The following NTRK3 variants were observed in gnomAD, a reference collection of about 807,000 sequenced individuals.
The protein encoded by NTRK3 is NT-3 growth factor receptor.
In NTRK3, 24 loss-of-function variants were observed where a neutral mutation model predicts 91.7. The ratio of observed to expected loss-of-function variants is 0.26; its 90% CI spans 0.19 to 0.37. The LOEUF (loss-of-function observed/expected upper bound fraction) is 0.37. Ranked by LOEUF, NTRK3 falls within the 10% of genes least tolerant of loss-of-function variation. The pLI is 1.00. For synonymous variants in NTRK3, 483 were observed against 404.0 expected (o/e 1.20, Z -2.34); for missense variants, 880 against 1,068.9 (o/e 0.82, Z 2.46).
chr15:88,039,144 C>CAT (rs974064587), intron 13 of NTRK3, among the ~76,000 whole-genome samples: 1 of 151,628 alleles, frequency 6.6e-6, no homozygotes, highest in African/African-American at 2.4e-5. Flanking sequence ...CACACACACA[C>CAT]ACACACACAC....
intron 6 of NTRK3, among the ~76,000 whole-genome samples, chr15:88,146,530 A>G (rs1215709622): frequency 5.9e-5 from 9 of 152,162 alleles, no homozygotes; most frequent in African/African-American, 2.2e-4. Context: ...ACATAATATG[A>G]TGTCCTTCAT....
chr15:88,003,750 G>T (rs1447663329), intron 14 of NTRK3, among the ~76,000 whole-genome samples: 2 of 151,088 alleles, frequency 1.3e-5, no homozygotes, highest in Non-Finnish European at 2.9e-5. Context: ...ATAAGGAAAA[G>T]TCAAACCTCA....
intron 13 of NTRK3, among the ~76,000 whole-genome samples, chr15:88,036,259 G>C (rs78316405): frequency 0.037 from 5,632 of 152,168 alleles, 148 homozygotes; most frequent in Middle Eastern, 0.095. Context: ...TAGAGATAAA[G>C]AGAAGATGCT....
intron 14 of NTRK3, among the ~76,000 whole-genome samples, chr15:88,012,801 C>T (rs760688221): frequency 3.9e-5 from 6 of 152,228 alleles, no homozygotes; most frequent in Non-Finnish European, 5.9e-5. Context: ...CTTTGATGTG[C>T]ATCGGAATCA....
chr15:88,226,352 G>A (rs2050674438), intron 3 of NTRK3, among the ~76,000 whole-genome samples: 1 of 152,178 alleles, frequency 6.6e-6, no homozygotes, highest in Admixed American at 6.5e-5. Flanking sequence ...GTAGATCCCA[G>A]GAAGTGCCGA....
intron 14 of NTRK3, among the ~76,000 whole-genome samples, chr15:87,941,951 A>C (rs1290257693): frequency 2.0e-5 from 3 of 152,264 alleles, no homozygotes; most frequent in Non-Finnish European, 4.4e-5. Flanking sequence ...TGAGCCAAAA[A>C]GTGGATTATC....
At chr15:87,892,060 C>T (rs1479262034) in intron 17 of NTRK3, among the ~76,000 whole-genome samples, 2 of 149,720 alleles carry the variant, frequency 1.3e-5, no homozygotes, top group East Asian at 4.0e-4. Context: ...CCATCAATCC[C>T]TTGTCCAGTT....
Position 88,090,683 on chromosome 15 carries a change from C to A in NTRK3, c.1396+35588G>T, listed in dbSNP as rs560231703. 2.8e-4 allele frequency among the ~76,000 whole-genome samples: 43 copies of A among 152,250 alleles called. No homozygotes were observed. In the South Asian group the frequency reaches 8.9e-3, roughly 32 times the overall value. On this transcript the variant is annotated intron_variant, in intron 13 of 18. Transcript: ENST00000394480. Reference sequence around the variant, plus strand: ...GCCAACCTGCCAGTAACTTCTAAGACACAACTTTGCATTTCATCTTCACCT... The same window carrying A: ...GCCAACCTGCCAGTAACTTCTAAGAAACAACTTTGCATTTCATCTTCACCT...
At chr15:88,059,522 C>A (rs368510093) in intron 13 of NTRK3, among the ~76,000 whole-genome samples, 14 of 152,286 alleles carry the variant, frequency 9.2e-5, no homozygotes, top group African/African-American at 3.4e-4. Context: ...TCTGCACATG[C>A]TCCACTCATA....
At chr15:87,876,458 A>G (rs2064952529) in exon 19 of NTRK3, 3 of 228,482 alleles carry the variant, frequency 1.3e-5, no homozygotes, top group Non-Finnish European at 1.7e-5. Flanking sequence ...GCGACTGAGC[A>G]CCACCTTAAC....
At chr15:88,198,903 C>A (rs1456386115) in intron 3 of NTRK3, among the ~76,000 whole-genome samples, 2 of 152,210 alleles carry the variant, frequency 1.3e-5, no homozygotes, top group Non-Finnish European at 2.9e-5. Context: ...TCATCCTGCA[C>A]AACTCAGCCA....
chr15:88,038,227 T>A (rs56239353), intron 13 of NTRK3, among the ~76,000 whole-genome samples: 23,074 of 152,216 alleles, frequency 0.15, 2,496 homozygotes, highest in African/African-American at 0.31. Flanking sequence ...TCTTCTGATG[T>A]ATGTCACTGC....
intron 14 of NTRK3, among the ~76,000 whole-genome samples, chr15:88,018,813 C>G (rs140640610): frequency 6.6e-6 from 1 of 152,248 alleles, no homozygotes; most frequent in Admixed American, 6.5e-5. Context: ...AAAAGCACTA[C>G]GCAGTGTATG....
chr15:88,239,870 G>T (rs2052156965), intron 3 of NTRK3, among the ~76,000 whole-genome samples: 1 of 152,288 alleles, frequency 6.6e-6, no homozygotes, highest in East Asian at 1.9e-4. Context: ...CTCTCAAAGT[G>T]TGGTCCTGGA....
chr15:88,052,378 A>G (rs2080920020), intron 13 of NTRK3, among the ~76,000 whole-genome samples: 1 of 152,186 alleles, frequency 6.6e-6, no homozygotes, highest in Non-Finnish European at 1.5e-5. Context: ...CTGAGCACAC[A>G]TGGCTAGAAA....
At chr15:88,141,767 G>C (rs562604993) in intron 6 of NTRK3, among the ~76,000 whole-genome samples, 1 of 152,324 alleles carries the variant, frequency 6.6e-6, no homozygotes, top group Admixed American at 6.5e-5. Flanking sequence ...AGAATGTCCT[G>C]AGGCTGGCCA....
At chr15:87,916,156 G>A (rs1319779424) in intron 17 of NTRK3, 5 of 242,508 alleles carry the variant, frequency 2.1e-5, no homozygotes, top group African/African-American at 1.1e-4. Flanking sequence ...TGGGCTATGA[G>A]GATTATGAGA....
At chr15:87,881,920 A>C (rs2141482117) in intron 17 of NTRK3, among the ~76,000 whole-genome samples, 1 of 150,670 alleles carries the variant, frequency 6.6e-6, no homozygotes, top group South Asian at 2.1e-4. Flanking sequence ...TCTGAGACAG[A>C]GTTTCACTCC....
intron 15 of NTRK3, among the ~76,000 whole-genome samples, chr15:87,935,961 C>G (rs546941685): frequency 6.6e-6 from 1 of 152,156 alleles, no homozygotes; most frequent in African/African-American, 2.4e-5. Context: ...ATTGGCCAAA[C>G]GTAGGGTATG....
Sources: gnomAD v4.1 joint callset for allele counts (sites outside exome capture counted in the v4.1 genomes callset) on GRCh38, gnomAD v4.1.1 for gene constraint, MANE v1.5 for transcripts, NCBI Gene and HGNC (gene_info 2026-07-23, HGNC 2026-07-21) for gene names.